Variants in SLX4 observed in about 807,000 individuals in gnomAD.
The protein encoded by SLX4 is SLX4 structure-specific endonuclease subunit.
SLX4 carries 112 observed loss-of-function variants against 146.2 expected under a neutral mutation model. That is an observed-to-expected ratio of 0.77 (90% CI 0.66 to 0.90). SLX4 has a LOEUF of 0.90. SLX4 is among the 40% of genes least tolerant of loss of function. The pLI, the probability that SLX4 is intolerant of heterozygous loss-of-function variation, is 0.00. For synonymous variants in SLX4, 1,061 were observed against 997.7 expected (o/e 1.06, Z -1.20); for missense variants, 2,563 against 2,392.7 (o/e 1.07, Z -1.49).
Position 3,596,294 on chromosome 16 carries a change from A to G in SLX4, c.1783T>C (p.Cys595Arg). ...PALHGTPTAG[C>R]GSRGPSPSAS... The stretch of plus-strand genomic sequence containing the variant: ...GAAGGCGACGGGCCCCTGGAGCCAC[A>G]GCCTGCAGTGGGGGTGCCGTGGAGA... The change falls in exon 8 of 15, where the codon TGT (cysteine) becomes CGT (arginine). Residue 595 changes from cysteine to arginine, a missense_variant. By Grantham distance (180) the Cys-to-Arg change is radical. Transcript: ENST00000294008. The G allele has an allele frequency of 6.4e-7, 1 of 1,573,570 alleles. No individual in the cohort carries two copies. The highest frequency in any genetic ancestry group is 8.6e-7 in the Non-Finnish European group (1 of 1,159,998).
At chr16:3,600,575 C>T (rs2040714336) in intron 5 of SLX4, 1 of 221,956 alleles carries the variant, frequency 4.5e-6, no homozygotes, top group Non-Finnish European at 8.9e-6. Flanking sequence ...CTTTTTCCCT[C>T]CAACACTATA....
At chr16:3,596,442 G>T (rs779970405) in intron 7 of SLX4, 49 bp from the exon 8 acceptor site, 2 of 1,541,410 alleles carry the variant, frequency 1.3e-6, no homozygotes, top group African/African-American at 1.4e-5. Context: ...TGTCATTGAC[G>T]CACACACTGC....
At chr16:3,603,185 C>G (rs962486165) in intron 3 of SLX4, among the ~76,000 whole-genome samples, 2 of 152,210 alleles carry the variant, frequency 1.3e-5, no homozygotes, top group South Asian at 4.1e-4. Flanking sequence ...TCCTGAGTAG[C>G]TGGGATTACA....
intron 10 of SLX4, among the ~76,000 whole-genome samples, chr16:3,593,140 G>A (rs1015416564): frequency 6.0e-5 from 9 of 149,740 alleles, no homozygotes; most frequent in African/African-American, 2.0e-4. Flanking sequence ...GTGAGATCTC[G>A]GCTCACTGCA....
At chr16:3,605,895 T>C (rs892039296) in intron 3 of SLX4, among the ~76,000 whole-genome samples, 2 of 125,346 alleles carry the variant, frequency 1.6e-5, no homozygotes, top group Non-Finnish European at 3.1e-5. Flanking sequence ...TGCAGTGAGC[T>C]AATATCGTGC....
At chr16:3,608,328 G>C (rs1878857907) in intron 2 of SLX4, 102 bp downstream of exon 2, 1 of 1,178,416 alleles carries the variant, frequency 8.5e-7, no homozygotes, top group South Asian at 1.2e-5. Context: ...GCAGAGTTGA[G>C]TAGTTGTGAC....
At chr16:3,592,194 C>T (rs1181763504) in intron 11 of SLX4, among the ~76,000 whole-genome samples, 2 of 152,224 alleles carry the variant, frequency 1.3e-5, no homozygotes, top group African/African-American at 2.4e-5. Context: ...CTCGGATCAG[C>T]GGCCCAGGCC....
chr16:3,589,848 T>C lies in SLX4; in HGVS notation c.3790A>G (p.Ser1264Gly). ...SWLVPATPLA[S>G]RSRDCSSQTQ... The stretch of plus-strand genomic sequence containing the variant: ...TGGGAAGAACAGTCACGGCTTCTGC[T>C]GGCCAGCGGGGTGGCGGGCACCAGC... The change falls in exon 12 of 15, where the codon AGC becomes GGC. Residue 1264 changes from serine to glycine, a missense_variant. By Grantham distance (56) the Ser-to-Gly change is moderately conservative. Transcript: ENST00000294008. This position sits in a 1 kb window ranked among gnomAD's most constrained non-coding sequence, Gnocchi z 6.2. 6.2e-7 allele frequency: 1 copy of C among 1,613,458 alleles called. No homozygotes were observed.
At position 3,608,437 on chromosome 16, in the gene SLX4, T is replaced by A. The variant is rs778569160; in HGVS notation, c.528A>T (p.Lys176Asn). The A allele has an allele frequency of 9.0e-5, 145 of 1,614,084 alleles. No individual in the cohort carries two copies. The highest frequency in any genetic ancestry group is 1.2e-4 in the Non-Finnish European group (137 of 1,180,046). Residue 176 changes from lysine (K) to asparagine (N), a missense_variant, in exon 2 of 15, where the codon AAA becomes AAT. Physicochemically the swap from Lys to Asn is moderately conservative, Grantham distance 94 (BLOSUM62 0). Transcript: ENST00000294008. ...QEPSPNLSRE[K>N]TRENVPNSDS... ...TAAAAGAGTACAAATTACCTCTGGT[T>A]TTCTCTCTGGAAAGGTTTGGCGATG...
In SLX4 at chr16:3,592,946, G is replaced by A. The variant is rs113030924; in HGVS notation, c.2161-81C>T. On this transcript the variant is annotated intron_variant, in intron 10 of 14. Transcript: ENST00000294008. Reference sequence around the variant, plus strand: ...CAAAGCAGACGGTCTGGGGTGTCCTGCAAGTCACTAGTCTTTTTATTTTTC... The same window carrying A: ...CAAAGCAGACGGTCTGGGGTGTCCTACAAGTCACTAGTCTTTTTATTTTTC... 1.3e-5 allele frequency: 18 copies of A among 1,385,680 alleles called. No homozygotes were observed. The African/African-American group carries it at 2.2e-4, about 17-fold the overall frequency. 85.8% of individuals were successfully genotyped at this position (1,385,680 alleles called of 1,614,324 possible).
At position 3,594,459 on chromosome 16, in the gene SLX4, G is replaced by T. The variant is rs748354625; in HGVS notation, c.2154C>A (p.Ile718=). ...FVLYARCPLL[I]QYVNNEGFSA... is the part of the protein sequence containing the mutation. ...CGGCAGCCCACGTACTTACATACTG[G>T]ATGAGGAGCGGGCATCGGGCATAAA... Residue 718 remains isoleucine (I), a synonymous_variant, in exon 10 of 15, where the codon ATC becomes ATA. Transcript: ENST00000294008. The T allele has an allele frequency of 6.2e-7, 1 of 1,613,250 alleles. No homozygotes were observed. Among genetic ancestry groups the T allele is most frequent in the Non-Finnish European group, 8.5e-7 (1 of 1,179,644 alleles).
rs2040441384 is a variant in SLX4, at chr16:3,582,027, A to G, written c.*315T>C. On this transcript the variant is annotated 3_prime_UTR_variant, in exon 15 of 15. Coordinates refer to ENST00000294008, the MANE Select transcript of SLX4 (RefSeq NM_032444.4). ...CACTGCACTCCAGCCTAGGTGACAC[A>G]GCACGACTGTCTCAAAAAGAAAAAA... 4.6e-6 allele frequency: 2 copies of G among 438,172 alleles called. No individual in the cohort carries two copies. Among genetic ancestry groups the G allele is most frequent in the Non-Finnish European group, 8.3e-6 (2 of 239,560 alleles). The allele number at this position is 438,172 out of a possible 1,614,324, so 27.1% of individuals were successfully genotyped here.
At chr16:3,602,088 G>A (rs754001745) in intron 4 of SLX4, 30 bp downstream of exon 4, 5 of 1,613,716 alleles carry the variant, frequency 3.1e-6, no homozygotes, top group East Asian at 4.5e-5. Flanking sequence ...TCACATACAC[G>A]GGAGAGGCGA....
chr16:3,601,887 T>C (rs940337294), intron 4 of SLX4: 3 of 525,102 alleles, frequency 5.7e-6, no homozygotes, highest in African/African-American at 3.8e-5. Flanking sequence ...GTGGTGACAG[T>C]TGCCCAACTG....
chr16:3,591,917 G>A (rs2040599129), intron 11 of SLX4, among the ~76,000 whole-genome samples: 1 of 152,148 alleles, frequency 6.6e-6, no homozygotes, highest in African/African-American at 2.4e-5. Flanking sequence ...CACTTTGGGA[G>A]GCGGAGGCAG....
intron 7 of SLX4, among the ~76,000 whole-genome samples, chr16:3,596,610 G>A (rs916753916): frequency 1.3e-5 from 2 of 152,202 alleles, no homozygotes; most frequent in Non-Finnish European, 2.9e-5. Context: ...CCTCTGTCAC[G>A]GCCAAGGCCA....
chr16:3,593,005 G>A (rs2040611077), intron 10 of SLX4, 140 bp from the exon 11 acceptor site: 2 of 815,490 alleles, frequency 2.5e-6, no homozygotes, highest in Admixed American at 2.8e-5. Context: ...TGTCACCCAG[G>A]CTAGAGTACA....
In SLX4 at chr16:3,589,343, G is replaced by T. The variant is rs1214854591; in HGVS notation, c.4295C>A (p.Pro1432His). Residue 1432 changes from proline (P) to histidine (H), a missense_variant, in exon 12 of 15, where the codon CCC becomes CAC. Pro to His is a moderately conservative substitution (Grantham distance 77). Coordinates refer to ENST00000294008, the MANE Select transcript of SLX4 (RefSeq NM_032444.4). This position sits in a 1 kb window ranked among gnomAD's most constrained non-coding sequence, Gnocchi z 6.2. ...GTGGTCAATGGGAATTGGCGAGAGG[G>T]GCTCCATGTGCCAGCAGCAGTCGTC... ...PIDDCCWHME[P>H]LSPIPIDHWN... 1 of 1,579,254 alleles carries T rather than the reference G, an allele frequency of 6.3e-7. No individual in the cohort carries two copies. The highest frequency in any genetic ancestry group is 8.6e-7 in the Non-Finnish European group (1 of 1,160,294).
chr16:3,595,750 A>C (rs934348586), intron 8 of SLX4, 57 bp from the exon 9 acceptor site: 2 of 1,589,846 alleles, frequency 1.3e-6, no homozygotes, highest in Non-Finnish European at 1.7e-6. Flanking sequence ...ATCCACCACC[A>C]AGAAGACAGC....
Sources: gnomAD v4.1 joint callset for allele counts (sites outside exome capture counted in the v4.1 genomes callset) on GRCh38, gnomAD v4.1.1 for gene constraint, Gnocchi (gnomAD v3.1) non-coding constraint, MANE v1.5 for transcripts, NCBI Gene and HGNC (gene_info 2026-07-23, HGNC 2026-07-21) for gene names.